FSTL4: variants seen among roughly 807,000 people sequenced by gnomAD.
The protein encoded by FSTL4 is follistatin like 4.
Under a neutral mutation model 78.2 loss-of-function variants are expected in FSTL4, and 28 were observed. The ratio of observed to expected loss-of-function variants is 0.36; its 90% CI spans 0.27 to 0.49. The LOEUF is 0.49. Ranked by LOEUF, FSTL4 falls within the 20% of genes least tolerant of loss-of-function variation. The probability of loss-of-function intolerance (pLI) is 0.98; values close to 1 mark genes in which losing one functional copy is unlikely to be tolerated. For synonymous variants in FSTL4, 422 were observed against 440.5 expected (o/e 0.96, Z 0.53); for missense variants, 922 against 1,084.9 (o/e 0.85, Z 2.11).
chr5:133,719,436 A>G, the FSTL4 span, among the ~76,000 whole-genome samples: 54,918 of 151,888 alleles, frequency 0.36, 11,348 homozygotes, highest in African/African-American at 0.57. Context: ...TTGGGAGGCC[A>G]AGGCAGGTGG....
intron 3 of FSTL4, among the ~76,000 whole-genome samples, chr5:133,447,949 T>C (rs2127007819): frequency 6.6e-6 from 1 of 152,324 alleles, no homozygotes; most frequent in South Asian, 2.1e-4. Flanking sequence ...TTTTCTTTCT[T>C]GGAACAGATG....
At chr5:133,663,397 T>G in the FSTL4 span, among the ~76,000 whole-genome samples, 81 of 152,342 alleles carry the variant, frequency 5.3e-4, no homozygotes, top group African/African-American at 1.7e-3. Context: ...TTTTGTGAGC[T>G]TTTGGTTATT....
chr5:133,396,120 A>T (rs1269790122), intron 4 of FSTL4, among the ~76,000 whole-genome samples: 4 of 152,098 alleles, frequency 2.6e-5, no homozygotes, highest in African/African-American at 9.7e-5. Flanking sequence ...ACCACCCCTG[A>T]CCTCTTAGCT....
intron 1 of FSTL4, among the ~76,000 whole-genome samples, chr5:133,604,774 C>A (rs1201750398): frequency 6.6e-6 from 1 of 152,206 alleles, no homozygotes; most frequent in Non-Finnish European, 1.5e-5. Context: ...GCCGACACCT[C>A]AGTTTATAAG....
the FSTL4 span, among the ~76,000 whole-genome samples, chr5:133,648,138 G>C: frequency 6.6e-6 from 1 of 151,992 alleles, no homozygotes; most frequent in African/African-American, 2.4e-5. Flanking sequence ...CCCAGTCTCA[G>C]GTATGTCTTT....
chr5:133,224,547 CAGG>C (rs895622520), intron 10 of FSTL4: 22 of 242,884 alleles, frequency 9.1e-5, no homozygotes, highest in African/African-American at 6.7e-5. Context: ...GGACAACCAG[CAGG>C]AGAAGTGACT....
chr5:133,503,177 T>C (rs1758537595), intron 3 of FSTL4, among the ~76,000 whole-genome samples: 1 of 152,156 alleles, frequency 6.6e-6, no homozygotes, highest in African/African-American at 2.4e-5. Context: ...TGATCACAGA[T>C]CATGCTTACT....
chr5:133,318,266 G>T (rs180740324), intron 4 of FSTL4, among the ~76,000 whole-genome samples: 4 of 152,296 alleles, frequency 2.6e-5, no homozygotes, highest in Non-Finnish European at 4.4e-5. Context: ...GATTCCTGGG[G>T]GTTCTTGGGG....
the FSTL4 span, among the ~76,000 whole-genome samples, chr5:133,634,808 C>T: frequency 2.0e-5 from 3 of 152,110 alleles, no homozygotes; most frequent in African/African-American, 7.2e-5. Context: ...GCCTGTTCCC[C>T]CACCGTTCTT....
At position 133,312,740 on chromosome 5, in the gene FSTL4, A is replaced by G. The variant is rs766279728; in HGVS notation, c.641T>C (p.Leu214Pro). 43 of 1,613,604 alleles carry G rather than the reference A, an allele frequency of 2.7e-5. No homozygotes were observed. The South Asian group carries it at 4.3e-4, about 16-fold the overall frequency. The change falls in exon 6 of 16, where the codon CTT becomes CCT. Residue 214 changes from leucine to proline, a missense_variant. Coordinates refer to ENST00000265342, the MANE Select transcript of FSTL4 (RefSeq NM_015082.2). Reference protein sequence around the residue: ...LKKQDLDEDLLGCSPGDLLRF... With the variant: ...LKKQDLDEDLPGCSPGDLLRF... ...GAGGAGGTCACCTGGTGAGCAACCAAGTAAGTCTTCATCCAGGTCCTGCTT... is the reference window on the plus strand; with the variant it reads ...GAGGAGGTCACCTGGTGAGCAACCAGGTAAGTCTTCATCCAGGTCCTGCTT...
At chr5:133,212,860 G>C (rs1404956414) in intron 13 of FSTL4, among the ~76,000 whole-genome samples, 1 of 151,962 alleles carries the variant, frequency 6.6e-6, no homozygotes, top group African/African-American at 2.4e-5. Flanking sequence ...GAAAAATCTG[G>C]AAAGTAGAGA....
chr5:133,669,249 T>A, the FSTL4 span, among the ~76,000 whole-genome samples: 16 of 152,180 alleles, frequency 1.1e-4, no homozygotes, highest in African/African-American at 3.9e-4. Flanking sequence ...GAGACCCAGC[T>A]CTTCCTGGTG....
the FSTL4 span, among the ~76,000 whole-genome samples, chr5:133,717,053 T>C: frequency 6.6e-6 from 1 of 152,232 alleles, no homozygotes; most frequent in Non-Finnish European, 1.5e-5. Flanking sequence ...GGCCTGTAAA[T>C]AGTTTCTTCT....
At chr5:133,244,893 G>A (rs1471730607) in intron 7 of FSTL4, 2 of 152,242 alleles carry the variant, frequency 1.3e-5, no homozygotes, top group Non-Finnish European at 2.9e-5. Context: ...GTCGAGGCAG[G>A]AGGATCACTT....
chr5:133,353,880 G>C (rs1754884378), intron 4 of FSTL4, among the ~76,000 whole-genome samples: 1 of 152,200 alleles, frequency 6.6e-6, no homozygotes, highest in Admixed American at 6.5e-5. Context: ...GAGCGTGCTG[G>C]ACAGCGTTCT....
intron 4 of FSTL4, chr5:133,334,196 G>A (rs139011479): frequency 1.3e-5 from 2 of 152,358 alleles, no homozygotes; most frequent in African/African-American, 4.8e-5. Context: ...TTACCATGAC[G>A]ACAAGTTCCT....
intron 8 of FSTL4, among the ~76,000 whole-genome samples, chr5:133,232,202 A>G (rs1441269931): frequency 1.3e-5 from 2 of 152,178 alleles, no homozygotes; most frequent in African/African-American, 4.8e-5. Flanking sequence ...GGTCTGGGCT[A>G]TGGGCAAGTT....
chr5:133,415,934 T>C (rs1276877060), intron 3 of FSTL4, among the ~76,000 whole-genome samples: 3 of 152,208 alleles, frequency 2.0e-5, no homozygotes, highest in Non-Finnish European at 4.4e-5. Flanking sequence ...TCAAGATACA[T>C]GTGTATGTGT....
the FSTL4 span, among the ~76,000 whole-genome samples, chr5:133,651,346 A>C: frequency 6.6e-6 from 1 of 152,176 alleles, no homozygotes. Flanking sequence ...GTTTCTTGCT[A>C]AGTATGATGT....
Sources: allele counts gnomAD v4.1 joint callset (sites outside exome capture counted in the v4.1 genomes callset), GRCh38; gene constraint gnomAD v4.1.1; transcripts MANE v1.5; gene names NCBI Gene and HGNC (gene_info 2026-07-23, HGNC 2026-07-21).